The following SH2B3 variants were observed in gnomAD, a reference collection of about 807,000 sequenced individuals.
The protein encoded by SH2B3 is SH2B adapter protein 3.
In SH2B3, 43 loss-of-function variants were observed where a neutral mutation model predicts 51.9. The observed-to-expected ratio is 0.83, with a 90% CI of 0.65 to 1.07. The LOEUF is 1.07. SH2B3 is among the 50% of genes least tolerant of loss of function. SH2B3 has a pLI of 0.00. For missense variants in SH2B3, 952 were observed against 834.3 expected, an observed-to-expected ratio of 1.14 and a Z score of -1.74; for synonymous variants, 396 against 376.0, an observed-to-expected ratio of 1.05 and a Z score of -0.62.
intron 2 of SH2B3, among the ~76,000 whole-genome samples, chr12:111,430,349 C>T (rs754832915): frequency 1.8e-4 from 28 of 152,166 alleles, no homozygotes; most frequent in Non-Finnish European, 2.4e-4. Flanking sequence ...CAGATGGTAT[C>T]GGGGCGCTTC....
At position 111,435,447 on chromosome 12, in the gene SH2B3, G is replaced by A. The variant is rs922454539; in HGVS notation, c.733-11306G>A. Among the ~76,000 whole-genome samples the A allele has an allele frequency of 6.6e-6, 1 of 152,158 alleles. No homozygotes were observed. Among genetic ancestry groups the A allele is most frequent in the African/African-American group, 2.4e-5 (1 of 41,426 alleles). ...ACGATCTCGGCTCACTGCAACCTCC[G>A]CCTCCCAGGTTCAGGTGATTCTCGT... On this transcript the variant is annotated intron_variant, in intron 2 of 7. Transcript: ENST00000341259. The surrounding 1 kb of genome is among the most constrained non-coding windows in gnomAD (Gnocchi z 4.8).
intron 2 of SH2B3, chr12:111,434,657 C>G: frequency 2.1e-6 from 1 of 467,714 alleles, no homozygotes; most frequent in Non-Finnish European, 2.8e-6. Flanking sequence ...TTAGAAAGGC[C>G]TTTCCCCACC....
rs528597330 is a variant in SH2B3, at chr12:111,442,915, T to C, written c.733-3838T>C. The stretch of plus-strand genomic sequence containing the variant: ...GACTTGCCTGTCTCTGCTGGATGCC[T>C]GAGGGCAAAGCCAGTAACAGACCCC... On this transcript the variant is annotated intron_variant, in intron 2 of 7. Coordinates refer to ENST00000341259, the MANE Select transcript of SH2B3 (RefSeq NM_005475.3). Among the ~76,000 whole-genome samples the C allele has an allele frequency of 3.3e-5, 5 of 152,330 alleles. No individual in the cohort carries two copies. In the East Asian group the frequency reaches 9.7e-4, roughly 29 times the overall value.
At chr12:111,405,819 C>T (rs1870193937), upstream of SH2B3, 1 of 151,808 alleles carries the variant, frequency 6.6e-6, no homozygotes, top group Non-Finnish European at 1.5e-5. This position sits in a 1 kb window ranked among gnomAD's most constrained non-coding sequence, Gnocchi z 5.4. Flanking sequence ...ATCTCCGACT[C>T]GCGCGCGGCC....
chr12:111,412,041 G>A (rs562244103), intron 1 of SH2B3, among the ~76,000 whole-genome samples: 5 of 152,260 alleles, frequency 3.3e-5, no homozygotes, highest in African/African-American at 1.2e-4. Context: ...GGATAGAAGT[G>A]TCCCAAAGAC....
At chr12:111,417,256 G>A (rs1365106587) in intron 1 of SH2B3, among the ~76,000 whole-genome samples, 2 of 152,120 alleles carry the variant, frequency 1.3e-5, no homozygotes, top group African/African-American at 2.4e-5. Context: ...CAGGAAATAT[G>A]TAGCAGGGAG....
chr12:111,428,420 C>T (rs1872179723), intron 2 of SH2B3, among the ~76,000 whole-genome samples: 1 of 152,224 alleles, frequency 6.6e-6, no homozygotes. Flanking sequence ...CCACTCATCC[C>T]CTTTCGAGCC....
At position 111,447,509 on chromosome 12, in the gene SH2B3, T is replaced by C. The variant is rs1426386395; in HGVS notation, c.1201T>C (p.Tyr401His). 1.2e-5 allele frequency: 18 copies of C among 1,557,046 alleles called. No individual in the cohort carries two copies. Among genetic ancestry groups the C allele is most frequent in the Admixed American group, 1.8e-5 (1 of 54,234 alleles). ...VRQSETRRGE[Y>H]VLTFNFQGIA... is the part of the protein sequence containing the mutation. ...GCAGAGCGAGACGCGGCGTGGGGAA[T>C]ACGTGCTCACTTTCAACTTTCAGGG... Residue 401 changes from tyrosine (Y) to histidine (H), a missense_variant, in exon 6 of 8, where the codon TAC (tyrosine) becomes CAC (histidine). Transcript: ENST00000341259.
At position 111,438,156 on chromosome 12, in the gene SH2B3, G is replaced by A. The variant is rs572452988; in HGVS notation, c.733-8597G>A. 1.3e-5 allele frequency among the ~76,000 whole-genome samples: 2 copies of A among 152,320 alleles called. No homozygotes were observed. The highest frequency in any genetic ancestry group is 3.9e-4 in the East Asian group (2 of 5,176). The stretch of plus-strand genomic sequence containing the variant: ...GGTCAGGCAGGGCATCACAAATGCA[G>A]GGGCTGGGTGGCAGGGGAAGGTGTG... On this transcript the variant is annotated intron_variant, in intron 2 of 7. Coordinates refer to ENST00000341259, the MANE Select transcript of SH2B3 (RefSeq NM_005475.3). The surrounding 1 kb of genome is among the most constrained non-coding windows in gnomAD (Gnocchi z 4.2).
intron 2 of SH2B3, among the ~76,000 whole-genome samples, chr12:111,446,187 G>A (rs1254140938): frequency 6.6e-6 from 1 of 152,242 alleles, no homozygotes; most frequent in East Asian, 1.9e-4. Flanking sequence ...CTTGGCTGCA[G>A]AGTGCCCCAG....
Position 111,428,619 on chromosome 12 carries a change from G to A in SH2B3, c.732+9742G>A, listed in dbSNP as rs577280620. On this transcript the variant is annotated intron_variant, in intron 2 of 7. Coordinates refer to ENST00000341259, the MANE Select transcript of SH2B3 (RefSeq NM_005475.3). Reference sequence around the variant, plus strand: ...ACAAGGCCACTCTGACCTTGATTTTGGGAGCACAAAGTCCCCCCAAGAGAT... The same window carrying A: ...ACAAGGCCACTCTGACCTTGATTTTAGGAGCACAAAGTCCCCCCAAGAGAT... 7.2e-5 allele frequency among the ~76,000 whole-genome samples: 11 copies of A among 152,282 alleles called. 2 individuals are homozygous for A. Among genetic ancestry groups the A allele is most frequent in the African/African-American group, 2.6e-4 (11 of 41,556 alleles).
chr12:111,444,879 C>T, intron 2 of SH2B3: 1 of 985,740 alleles, frequency 1.0e-6, no homozygotes, highest in Non-Finnish European at 1.2e-6. Flanking sequence ...CGGACCCCGG[C>T]TCTGATACTT....
At chr12:111,415,595 T>G (rs1871021353) in intron 1 of SH2B3, among the ~76,000 whole-genome samples, 1 of 151,666 alleles carries the variant, frequency 6.6e-6, no homozygotes, top group South Asian at 2.1e-4. Flanking sequence ...TATATTTATT[T>G]TTGTTTTTGT....
intron 2 of SH2B3, chr12:111,434,666 C>A: frequency 3.7e-6 from 2 of 538,290 alleles, no homozygotes; most frequent in Non-Finnish European, 2.4e-6. Context: ...CCTTTCCCCA[C>A]CCAGGATCAG....
rs72650673 is a variant in SH2B3, at chr12:111,447,506, G to A, written c.1198G>A (p.Glu400Lys). 2,150 of 1,488,994 alleles carry A rather than the reference G, an allele frequency of 1.4e-3. 3 individuals carry two copies. Among genetic ancestry groups the A allele is most frequent in the Non-Finnish European group, 1.8e-3 (1,998 of 1,096,136 alleles). The allele number at this position is 1,488,994 out of a possible 1,614,324, so 92.2% of individuals were successfully genotyped here. A position where few individuals can be genotyped will look rare whatever the true frequency, so the allele number is the denominator to read the frequency against. ...GCGGCAGAGCGAGACGCGGCGTGGG[G>A]AATACGTGCTCACTTTCAACTTTCA... ...LVRQSETRRG[E>K]YVLTFNFQGI... is the part of the protein sequence containing the mutation. The change falls in exon 6 of 8, where the codon GAA becomes AAA. Residue 400 changes from glutamate to lysine, a missense_variant. Physicochemically the swap from Glu to Lys is moderately conservative, Grantham distance 56. Transcript: ENST00000341259.
intron 7 of SH2B3, 54 bp downstream of exon 7, chr12:111,447,881 A>G: frequency 6.3e-7 from 1 of 1,587,520 alleles, no homozygotes; most frequent in Non-Finnish European, 8.6e-7. Context: ...GGTAGAGGGT[A>G]GAGGCTTGCT....
chr12:111,418,878 G>T lies in SH2B3; in HGVS notation c.732+1G>T. ...GCTGGAGCTCTTCGACCCACCCAAG[G>T]TAAGTAAGCCCTGCCCGCGGGGTTG... is the stretch of plus-strand genomic sequence containing the variant. On this transcript the variant is annotated splice_donor_variant, in intron 2 of 7. Transcript: ENST00000341259. LOFTEE classifies it high-confidence loss of function. The surrounding 1 kb of genome is among the most constrained non-coding windows in gnomAD (Gnocchi z 6.7). The T allele has an allele frequency of 7.1e-7, 1 of 1,404,180 alleles. No homozygotes were observed. Among genetic ancestry groups the T allele is most frequent in the Admixed American group, 3.6e-5 (1 of 27,906 alleles). 87.0% of individuals were successfully genotyped at this position (1,404,180 alleles called of 1,614,324 possible). A position where few individuals can be genotyped will look rare whatever the true frequency, so the allele number is the denominator to read the frequency against.
Position 111,416,380 on chromosome 12 carries a change from A to C in SH2B3, c.-27-1739A>C, listed in dbSNP as rs1022932053. Among the ~76,000 whole-genome samples, 24 of 152,198 alleles carry C rather than the reference A, an allele frequency of 1.6e-4. 1 individual carries two copies. Among genetic ancestry groups the C allele is most frequent in the Admixed American group, 1.3e-4 (2 of 15,282 alleles). Reference sequence around the variant, plus strand: ...AATTCATGCTCATAATATGCCTATGAAGTAGGCATGATCATGGTTCCCCTC... The same window carrying C: ...AATTCATGCTCATAATATGCCTATGCAGTAGGCATGATCATGGTTCCCCTC... On this transcript the variant is annotated intron_variant, in intron 1 of 7. Coordinates refer to ENST00000341259, the MANE Select transcript of SH2B3 (RefSeq NM_005475.3).
At chr12:111,414,813 AC>A (rs1051023453) in intron 1 of SH2B3, among the ~76,000 whole-genome samples, 2 of 151,936 alleles carry the variant, frequency 1.3e-5, no homozygotes, top group Non-Finnish European at 1.5e-5. Flanking sequence ...GGCAGAGAGA[AC>A]CCCATTTGTA....
Sources: allele counts gnomAD v4.1 joint callset (sites outside exome capture counted in the v4.1 genomes callset), GRCh38; gene constraint gnomAD v4.1.1; non-coding constraint Gnocchi (gnomAD v3.1); transcripts MANE v1.5; gene names NCBI Gene and HGNC (gene_info 2026-07-23, HGNC 2026-07-21).